Variants in PCDHGA4 observed in about 807,000 individuals in gnomAD.
PCDHGA4 encodes the protein protocadherin gamma-A4.
A neutral mutation model predicts 54.6 loss-of-function variants in PCDHGA4; 38 were observed. The observed-to-expected ratio is 0.70, with a 90% CI of 0.54 to 0.91. The LOEUF (loss-of-function observed/expected upper bound fraction) is 0.91. Ranked by LOEUF, PCDHGA4 falls within the 40% of genes least tolerant of loss-of-function variation. The probability of loss-of-function intolerance (pLI) is 0.00; values close to 1 mark genes in which losing one functional copy is unlikely to be tolerated. For synonymous variants in PCDHGA4, 511 were observed against 512.9 expected, an observed-to-expected ratio of 1.00 and a Z score of 0.05; for missense variants, 1,298 against 1,220.9, an observed-to-expected ratio of 1.06 and a Z score of -0.94.
intron 1 of PCDHGA4, chr5:141,366,399 C>T: frequency 6.2e-7 from 1 of 1,614,192 alleles, no homozygotes; most frequent in Non-Finnish European, 8.5e-7. Context: ...CTGGACCTCA[C>T]ACTCTATCTT....
At position 141,429,997 on chromosome 5, in the gene PCDHGA4, G is replaced by A. The variant is rs536289272; in HGVS notation, c.2515-64810G>A. Among the ~76,000 whole-genome samples, 3 of 152,240 alleles carry A rather than the reference G, an allele frequency of 2.0e-5. No homozygotes were observed. The East Asian group carries it at 5.8e-4, about 29-fold the overall frequency. On this transcript the variant is annotated intron_variant, in intron 1 of 3. Transcript: ENST00000571252. ...TCTACTTTATGCTAAAAATATTAAT[G>A]TTTCTTTTTCACTTGGGTTCTTGTT... is the stretch of plus-strand genomic sequence containing the variant.
At chr5:141,393,082 TAGATCGGG>T in intron 1 of PCDHGA4, 1 of 1,613,652 alleles carries the variant, frequency 6.2e-7, no homozygotes, top group Non-Finnish European at 8.5e-7. Flanking sequence ...GCGGGCAGGA[TAGATCGGG>T]AGGAGCTCTG....
chr5:141,430,643 T>G (rs1432236231), intron 1 of PCDHGA4: 16 of 946,950 alleles, frequency 1.7e-5, no homozygotes, highest in South Asian at 2.5e-5. Flanking sequence ...CCTGGGAGTA[T>G]GTGGAAACAA....
In PCDHGA4 at chr5:141,467,461, A is replaced by G. The variant is rs1330947379; in HGVS notation, c.2515-27346A>G. ...ATTACTTTTTTCTTCCAGTGCTAGT[A>G]CTTGCATGGTTTTTGGTTTCCACAT... On this transcript the variant is annotated intron_variant, in intron 1 of 3. Coordinates refer to ENST00000571252, the MANE Select transcript of PCDHGA4 (RefSeq NM_018917.4). 2.6e-5 allele frequency among the ~76,000 whole-genome samples: 4 copies of G among 152,158 alleles called. No homozygotes were observed. The South Asian group carries it at 8.3e-4, about 31-fold the overall frequency.
At chr5:141,456,777 A>G (rs572940615) in intron 1 of PCDHGA4, among the ~76,000 whole-genome samples, 2 of 152,214 alleles carry the variant, frequency 1.3e-5, no homozygotes, top group Admixed American at 6.5e-5. Flanking sequence ...AGCCTGGCCT[A>G]CATGGCAAAA....
intron 1 of PCDHGA4, chr5:141,413,424 G>T: frequency 6.2e-7 from 1 of 1,614,086 alleles, no homozygotes; most frequent in Non-Finnish European, 8.5e-7. Flanking sequence ...CTCTGAACCC[G>T]CGCAGCGGCA....
intron 1 of PCDHGA4, chr5:141,393,842 T>A (rs1010461527): frequency 1.2e-6 from 2 of 1,613,830 alleles, no homozygotes; most frequent in African/African-American, 2.7e-5. Flanking sequence ...TAAATGACAA[T>A]AGACCAGAAG....
intron 1 of PCDHGA4, among the ~76,000 whole-genome samples, chr5:141,437,411 T>C (rs1014219268): frequency 1.1e-4 from 17 of 152,222 alleles, no homozygotes; most frequent in African/African-American, 4.1e-4. Flanking sequence ...TCCAGAAGTA[T>C]TATGCTTTTT....
Position 141,355,384 on chromosome 5 carries a change from C to G in PCDHGA4, c.277C>G (p.Arg93Gly), listed in dbSNP as rs570057542. The change falls in exon 1 of 4, where the codon CGC becomes GGC. Residue 93 changes from arginine to glycine, a missense_variant. Transcript: ENST00000571252. ...LGLAPRELAERGVRIVSRGRT... is the reference protein window; with the variant it reads ...LGLAPRELAEGGVRIVSRGRT... ...GTTGGCGCCCCGGGAGCTGGCGGAG[C>G]GCGGAGTCCGCATCGTCTCCAGAGG... 25 of 1,614,008 alleles carry G rather than the reference C, an allele frequency of 1.5e-5. No individual in the cohort carries two copies. In the African/African-American group the frequency reaches 3.2e-4, roughly 21 times the overall value.
intron 1 of PCDHGA4, among the ~76,000 whole-genome samples, chr5:141,461,267 T>C (rs2099012147): frequency 6.6e-6 from 1 of 152,140 alleles, no homozygotes; most frequent in Admixed American, 6.6e-5. Flanking sequence ...AATGTGTAAG[T>C]GTTCTCTTTT....
intron 1 of PCDHGA4, among the ~76,000 whole-genome samples, chr5:141,373,448 A>G (rs1222167588): frequency 6.6e-6 from 1 of 152,218 alleles, no homozygotes; most frequent in Non-Finnish European, 1.5e-5. Flanking sequence ...CCTTGATCCC[A>G]GGAGGTAGCA....
At chr5:141,376,215 T>C in intron 1 of PCDHGA4, 1 of 1,614,216 alleles carries the variant, frequency 6.2e-7, no homozygotes, top group Non-Finnish European at 8.5e-7. Flanking sequence ...GTCATCGTGC[T>C]GCTGGCGCTC....
intron 3 of PCDHGA4, among the ~76,000 whole-genome samples, chr5:141,505,875 T>C (rs991981462): frequency 2.6e-4 from 40 of 152,140 alleles, no homozygotes; most frequent in African/African-American, 9.2e-4. Flanking sequence ...AAAGGGTTGT[T>C]GTAGAGATTA....
chr5:141,385,640 A>C (rs917789862), intron 1 of PCDHGA4: 1 of 803,664 alleles, frequency 1.2e-6, no homozygotes, highest in Admixed American at 4.6e-5. Context: ...CGAGTCTTTC[A>C]TATTGCACAA....
intron 1 of PCDHGA4, chr5:141,362,307 G>A (rs1762432335): frequency 6.2e-7 from 1 of 1,613,910 alleles, no homozygotes; most frequent in Non-Finnish European, 8.5e-7. Flanking sequence ...CAGATGCTTG[G>A]GACTGTTTTC....
chr5:141,419,119 C>T lies in PCDHGA4; in HGVS notation c.2514+61498C>T. 2.5e-6 allele frequency: 4 copies of T among 1,613,896 alleles called. No individual in the cohort carries two copies. The South Asian group carries it at 3.3e-5, about 13-fold the overall frequency. Reference sequence around the variant, plus strand: ...GGGAGCAGACCCCAGAGTACAACGTCACCATCGCAGCCACAGACAGGGGCA... The same window carrying T: ...GGGAGCAGACCCCAGAGTACAACGTTACCATCGCAGCCACAGACAGGGGCA... On this transcript the variant is annotated intron_variant, in intron 1 of 3. Coordinates refer to ENST00000571252, the MANE Select transcript of PCDHGA4 (RefSeq NM_018917.4).
At chr5:141,425,745 G>A (rs776065455) in intron 1 of PCDHGA4, among the ~76,000 whole-genome samples, 26 of 152,100 alleles carry the variant, frequency 1.7e-4, no homozygotes, top group Non-Finnish European at 2.9e-4. Flanking sequence ...TTCCCACAAG[G>A]TTTTTGTTCT....
At chr5:141,419,620 G>A (rs776986192) in intron 1 of PCDHGA4, 9 of 1,612,304 alleles carry the variant, frequency 5.6e-6, no homozygotes, top group Non-Finnish European at 7.6e-6. Context: ...CAGGCTACCT[G>A]GTGACCAAGG....
intron 3 of PCDHGA4, among the ~76,000 whole-genome samples, chr5:141,508,930 T>A (rs2099873149): frequency 6.6e-6 from 1 of 151,836 alleles, no homozygotes; most frequent in African/African-American, 2.4e-5. Context: ...CTTTTGGAGT[T>A]AATTAGGGAA....
Sources: allele counts gnomAD v4.1 joint callset (sites outside exome capture counted in the v4.1 genomes callset), GRCh38; gene constraint gnomAD v4.1.1; transcripts MANE v1.5; gene names NCBI Gene and HGNC (gene_info 2026-07-23, HGNC 2026-07-21).